The following FNDC3B variants were observed in gnomAD, a reference collection of about 807,000 sequenced individuals.
FNDC3B encodes fibronectin type III domain containing 3B.
Under a neutral mutation model 151.5 loss-of-function variants are expected in FNDC3B, and 12 were observed. That is an observed-to-expected ratio of 0.08 (90% CI 0.05 to 0.13). The LOEUF (loss-of-function observed/expected upper bound fraction) is 0.13. Ranked by LOEUF, FNDC3B falls within the 10% of genes least tolerant of loss-of-function variation. The probability of loss-of-function intolerance (pLI) is 1.00; values close to 1 mark genes in which losing one functional copy is unlikely to be tolerated. For synonymous variants in FNDC3B, 528 were observed against 549.0 expected (o/e 0.96, Z 0.54); for missense variants, 1,214 against 1,505.3 (o/e 0.81, Z 3.20).
chr3:172,253,833 G>A (rs1728203173), intron 6 of FNDC3B, among the ~76,000 whole-genome samples: 1 of 151,810 alleles, frequency 6.6e-6, no homozygotes, highest in Non-Finnish European at 1.5e-5. Flanking sequence ...AGGCTGGAGT[G>A]CAGTGGTGTG....
At chr3:172,328,281 G>A (rs1299904803) in intron 11 of FNDC3B, among the ~76,000 whole-genome samples, 2 of 152,232 alleles carry the variant, frequency 1.3e-5, no homozygotes, top group South Asian at 2.1e-4. Flanking sequence ...CTTCCACCCT[G>A]CAAGCATTGA....
chr3:172,333,447 G>A (rs1226041307), intron 14 of FNDC3B, among the ~76,000 whole-genome samples: 1 of 150,706 alleles, frequency 6.6e-6, no homozygotes, highest in Admixed American at 6.6e-5. Context: ...TCAGCCTCCC[G>A]AGTAGCTGGG....
intron 15 of FNDC3B, 52 bp downstream of exon 15, chr3:172,335,134 AT>A (rs1474365503): frequency 6.8e-7 from 1 of 1,465,320 alleles, no homozygotes; most frequent in Non-Finnish European, 9.0e-7. Context: ...CTTTTGATAG[AT>A]TTTTAAAAAA....
chr3:172,084,343 C>CATA (rs1559958590), intron 1 of FNDC3B, among the ~76,000 whole-genome samples: 1 of 151,882 alleles, frequency 6.6e-6, no homozygotes, highest in Non-Finnish European at 1.5e-5. Flanking sequence ...CCCAGCTATT[C>CATA]GGGAGGCAGA....
chr3:172,383,066 G>C (rs1735541303), intron 25 of FNDC3B, among the ~76,000 whole-genome samples: 1 of 152,092 alleles, frequency 6.6e-6, no homozygotes, highest in African/African-American at 2.4e-5. Context: ...GGGCAGTATG[G>C]CCATTTTCAC....
At chr3:172,166,456 C>A (rs1222943439) in intron 3 of FNDC3B, among the ~76,000 whole-genome samples, 1 of 152,206 alleles carries the variant, frequency 6.6e-6, no homozygotes, top group Non-Finnish European at 1.5e-5. Flanking sequence ...TAAAGTGATT[C>A]ACTTGAGAAA....
At chr3:172,156,775 G>A (rs905367781) in intron 3 of FNDC3B, among the ~76,000 whole-genome samples, 1 of 148,616 alleles carries the variant, frequency 6.7e-6, no homozygotes, top group Admixed American at 6.7e-5. Context: ...TAATTAATCT[G>A]TTTGATCTTG....
intron 17 of FNDC3B, 116 bp downstream of exon 17, chr3:172,341,347 G>C (rs1368202100): frequency 2.6e-6 from 2 of 777,140 alleles, no homozygotes; most frequent in Non-Finnish European, 4.6e-6. Context: ...CAACCTAATA[G>C]TATCATGTCA....
intron 2 of FNDC3B, among the ~76,000 whole-genome samples, chr3:172,113,685 A>G (rs1216106812): frequency 6.6e-6 from 1 of 152,100 alleles, no homozygotes; most frequent in African/African-American, 2.4e-5. Context: ...AGTATCTTTT[A>G]TCTTAAAAAC....
intron 1 of FNDC3B, among the ~76,000 whole-genome samples, chr3:172,086,819 T>G (rs896587883): frequency 3.3e-5 from 5 of 152,250 alleles, no homozygotes; most frequent in Admixed American, 2.0e-4. Flanking sequence ...TGAAGTGTAG[T>G]GTTAAAGAAC....
At chr3:172,239,743 G>T (rs1727373418) in intron 4 of FNDC3B, among the ~76,000 whole-genome samples, 1 of 134,070 alleles carries the variant, frequency 7.5e-6, no homozygotes, top group Admixed American at 8.0e-5. Flanking sequence ...TTTCAATTCA[G>T]TAAGAGGAAC....
intron 12 of FNDC3B, chr3:172,330,296 A>T: frequency 5.2e-6 from 2 of 385,216 alleles, no homozygotes; most frequent in Non-Finnish European, 9.3e-6. Context: ...GAACCCAAGG[A>T]TACAGAAGGC....
intron 3 of FNDC3B, among the ~76,000 whole-genome samples, chr3:172,134,028 C>T (rs1721240409): frequency 1.3e-5 from 2 of 152,140 alleles, no homozygotes; most frequent in African/African-American, 4.8e-5. Context: ...CATTGGGGGC[C>T]ATCTCAGAGG....
chr3:172,105,578 C>T (rs1719604386), intron 1 of FNDC3B, among the ~76,000 whole-genome samples: 1 of 150,696 alleles, frequency 6.6e-6, no homozygotes, highest in Non-Finnish European at 1.5e-5. Flanking sequence ...TCCCCACCCC[C>T]CTGAATCAGG....
At chr3:172,155,676 T>C (rs996440838) in intron 3 of FNDC3B, among the ~76,000 whole-genome samples, 1 of 152,190 alleles carries the variant, frequency 6.6e-6, no homozygotes, top group African/African-American at 2.4e-5. Flanking sequence ...GGCAAACAAT[T>C]TTGTAAGAAA....
intron 7 of FNDC3B, among the ~76,000 whole-genome samples, chr3:172,287,104 G>A (rs78556275): frequency 0.099 from 15,100 of 152,174 alleles, 831 homozygotes; most frequent in East Asian, 0.14. Flanking sequence ...CCTCTAAGAT[G>A]CCTTCCTGAT....
intron 3 of FNDC3B, among the ~76,000 whole-genome samples, chr3:172,164,749 G>C (rs986625282): frequency 5.3e-5 from 8 of 152,104 alleles, no homozygotes; most frequent in Non-Finnish European, 1.0e-4. Context: ...TGTTTTGTTT[G>C]GTTGTTTGTT....
chr3:172,067,947 A>G (rs1303698764), intron 1 of FNDC3B, among the ~76,000 whole-genome samples: 1 of 152,118 alleles, frequency 6.6e-6, no homozygotes, highest in Admixed American at 6.5e-5. Flanking sequence ...GGCCATCATC[A>G]TCTTCTCCCT....
chr3:172,041,806 T>C (rs887398599), intron 1 of FNDC3B, among the ~76,000 whole-genome samples: 5 of 152,220 alleles, frequency 3.3e-5, no homozygotes, highest in African/African-American at 9.6e-5. Flanking sequence ...TTCCCCCTCA[T>C]TGGAGGCTGA....
Sources: gnomAD v4.1 joint callset for allele counts (sites outside exome capture counted in the v4.1 genomes callset) on GRCh38, gnomAD v4.1.1 for gene constraint, MANE v1.5 for transcripts, NCBI Gene and HGNC (gene_info 2026-07-23, HGNC 2026-07-21) for gene names.